The following GABRG1 variants were observed in gnomAD, a reference collection of about 807,000 sequenced individuals.
GABRG1 encodes the protein gamma-aminobutyric acid receptor subunit gamma-1.
Under a neutral mutation model 49.8 loss-of-function variants are expected in GABRG1, and 49 were observed. That is an observed-to-expected ratio of 0.98 (90% confidence interval 0.78 to 1.25). The LOEUF is 1.25. Among genes scored for constraint, GABRG1 ranks in the 50% most tolerant of loss-of-function variants. The pLI, the probability that GABRG1 is intolerant of heterozygous loss-of-function variation, is 0.00. For missense variants in GABRG1, 552 were observed against 552.3 expected (o/e 1.00, Z 0.01); for synonymous variants, 232 against 185.1 (o/e 1.25, Z -2.06).
intron 8 of GABRG1, among the ~76,000 whole-genome samples, chr4:46,048,289 T>C (rs1317852128): frequency 6.6e-6 from 1 of 151,532 alleles, no homozygotes; most frequent in African/African-American, 2.4e-5. Context: ...ATAATATATA[T>C]TGGATGGGCA....
At chr4:46,102,347 G>A (rs1005989086) in intron 1 of GABRG1, among the ~76,000 whole-genome samples, 15 of 151,602 alleles carry the variant, frequency 9.9e-5, no homozygotes, top group African/African-American at 3.4e-4. Flanking sequence ...ATCCATTCCT[G>A]TCAGACTAGG....
rs747853091 is a variant in GABRG1, at chr4:46,058,337, G to A, written c.796C>T (p.Leu266=). ...GTGAAATATCCCATTCTTCTGCTCA[G>A]GTCAAAAAAAATTGTCATGATAACA... is the stretch of plus-strand genomic sequence containing the variant. ...DYVIMTIFFD[L]SRRMGYFTIQ... is the part of the protein sequence containing the mutation. The change falls in exon 7 of 9, where the codon CTG becomes TTG. Residue 266 remains leucine (L), a synonymous_variant. Coordinates refer to ENST00000295452, the MANE Select transcript of GABRG1 (RefSeq NM_173536.4). 9.9e-6 allele frequency: 16 copies of A among 1,610,408 alleles called. No individual in the cohort carries two copies. The highest frequency in any genetic ancestry group is 3.4e-5 in the Admixed American group (2 of 59,402).
At chr4:46,118,386 A>T (rs923631731) in intron 1 of GABRG1, among the ~76,000 whole-genome samples, 2 of 150,428 alleles carry the variant, frequency 1.3e-5, no homozygotes, top group African/African-American at 2.4e-5. Context: ...ACTGATGGCA[A>T]CTTCTTTATT....
At chr4:46,058,463 A>T in intron 6 of GABRG1, 22 bp downstream of exon 6, 1 of 1,608,530 alleles carries the variant, frequency 6.2e-7, no homozygotes. Flanking sequence ...GCATCATTTC[A>T]CTATTTGAGT....
chr4:46,096,321 C>T (rs1237354622), intron 2 of GABRG1, among the ~76,000 whole-genome samples: 2 of 151,234 alleles, frequency 1.3e-5, no homozygotes, highest in African/African-American at 2.4e-5. Context: ...CTGAGAATCC[C>T]GAGTAAAGGG....
chr4:46,062,656 T>C (rs2109406434), intron 5 of GABRG1, among the ~76,000 whole-genome samples: 1 of 152,324 alleles, frequency 6.6e-6, no homozygotes, highest in Admixed American at 6.5e-5. Context: ...ATGTGTCTTT[T>C]GGCTGCATAA....
At chr4:46,058,713 T>G (rs1718553413) in intron 5 of GABRG1, 91 bp from the exon 6 acceptor site, 1 of 970,108 alleles carries the variant, frequency 1.0e-6, no homozygotes. Flanking sequence ...TGGAACTTTC[T>G]CCTCTTTTTT....
At chr4:46,111,747 T>C (rs1005021858) in intron 1 of GABRG1, among the ~76,000 whole-genome samples, 2 of 151,244 alleles carry the variant, frequency 1.3e-5, no homozygotes, top group African/African-American at 4.8e-5. Context: ...AGAAAAGGAC[T>C]CTCTATTCAA....
At chr4:46,056,463 G>A (rs1718454257) in intron 7 of GABRG1, among the ~76,000 whole-genome samples, 1 of 152,036 alleles carries the variant, frequency 6.6e-6, no homozygotes, top group South Asian at 2.1e-4. Flanking sequence ...CATCATCAGA[G>A]GTATCTATTG....
intron 2 of GABRG1, among the ~76,000 whole-genome samples, chr4:46,087,845 C>A (rs1217597291): frequency 6.6e-6 from 1 of 151,904 alleles, no homozygotes; most frequent in Non-Finnish European, 1.5e-5. Flanking sequence ...GACAATCAAC[C>A]TTTCCAGGTT....
intron 1 of GABRG1, among the ~76,000 whole-genome samples, chr4:46,107,556 T>A (rs997334133): frequency 6.6e-6 from 1 of 150,982 alleles, no homozygotes; most frequent in African/African-American, 2.4e-5. Context: ...CTTCTTTTTC[T>A]TATTGCTTCC....
intron 8 of GABRG1, among the ~76,000 whole-genome samples, chr4:46,051,070 G>T (rs2109397371): frequency 6.6e-6 from 1 of 151,890 alleles, no homozygotes; most frequent in Non-Finnish European, 1.5e-5. Flanking sequence ...CATTAAAGAG[G>T]AATCTTCATC....
intron 3 of GABRG1, among the ~76,000 whole-genome samples, chr4:46,074,608 C>T (rs542168246): frequency 1.5e-3 from 222 of 152,064 alleles, no homozygotes; most frequent in African/African-American, 5.1e-3. Context: ...ACAAAATGTC[C>T]GAAGTCAAGA....
Position 46,040,858 on chromosome 4 carries a change from G to A in GABRG1, c.*130C>T. 1.0e-6 allele frequency: 1 copy of A among 981,998 alleles called. No homozygotes were observed. 60.8% of individuals were successfully genotyped at this position (981,998 alleles called of 1,614,324 possible). A position where few individuals can be genotyped will look rare whatever the true frequency, so the allele number is the denominator to read the frequency against. ...ATTTACTTCTGAAGGCCTTAAAATA[G>A]TTACAATACTATTCACATTTTAACC... On this transcript the variant is annotated 3_prime_UTR_variant, in exon 9 of 9. Coordinates refer to ENST00000295452, the MANE Select transcript of GABRG1 (RefSeq NM_173536.4).
intron 5 of GABRG1, among the ~76,000 whole-genome samples, chr4:46,062,482 T>A (rs1236012565): frequency 3.5e-4 from 54 of 152,244 alleles, no homozygotes; most frequent in Admixed American, 1.5e-3. Context: ...ACTAGTTTAC[T>A]GTCCCACCAA....
In GABRG1 at chr4:46,037,566, C is replaced by T. The variant is rs1450597747; in HGVS notation, c.*3422G>A. On this transcript the variant is annotated 3_prime_UTR_variant, in exon 9 of 9. Transcript: ENST00000295452. Reference sequence around the variant, plus strand: ...CAAGCAGTAAAGGCTTAAGAGTCTACTGGGTACCTTCAATGCCAGTTCTAA... The same window carrying T: ...CAAGCAGTAAAGGCTTAAGAGTCTATTGGGTACCTTCAATGCCAGTTCTAA... 3 of 151,668 alleles carry T rather than the reference C, an allele frequency of 2.0e-5. No homozygotes were observed. Among genetic ancestry groups the T allele is most frequent in the Non-Finnish European group, 4.4e-5 (3 of 67,840 alleles). The allele number at this position is 151,668 out of a possible 1,614,324, so 9.4% of individuals were successfully genotyped here.
At chr4:46,065,061 G>T (rs1577642717) in intron 4 of GABRG1, among the ~76,000 whole-genome samples, 1 of 152,006 alleles carries the variant, frequency 6.6e-6, no homozygotes, top group African/African-American at 2.4e-5. Flanking sequence ...GGTTTCTAGA[G>T]GAAATCTTAC....
intron 3 of GABRG1, among the ~76,000 whole-genome samples, chr4:46,074,900 A>G (rs1719267378): frequency 6.6e-6 from 1 of 152,054 alleles, no homozygotes; most frequent in Non-Finnish European, 1.5e-5. Context: ...ATTGGATGGA[A>G]TGGGAAAATT....
intron 1 of GABRG1, among the ~76,000 whole-genome samples, chr4:46,119,862 C>T (rs1721044534): frequency 6.6e-6 from 1 of 151,620 alleles, no homozygotes; most frequent in Admixed American, 6.6e-5. Context: ...CATTTAAGAA[C>T]ACACAAGGAT....
Sources: allele counts gnomAD v4.1 joint callset (sites outside exome capture counted in the v4.1 genomes callset), GRCh38; gene constraint gnomAD v4.1.1; transcripts MANE v1.5; gene names NCBI Gene and HGNC (gene_info 2026-07-23, HGNC 2026-07-21).